The following DGKI variants were observed in gnomAD, a reference collection of about 807,000 sequenced individuals.
DGKI encodes DAG kinase iota.
In DGKI, 55 loss-of-function variants were observed where a neutral mutation model predicts 147.5. That is an observed-to-expected ratio of 0.37 (90% CI 0.30 to 0.47). DGKI has a LOEUF of 0.47. Ranked by LOEUF, DGKI falls within the 20% of genes least tolerant of loss-of-function variation. The pLI is 1.00. For synonymous variants in DGKI, 469 were observed against 477.1 expected, an observed-to-expected ratio of 0.98 and a Z score of 0.22; for missense variants, 1,007 against 1,323.8, an observed-to-expected ratio of 0.76 and a Z score of 3.71.
intron 1 of DGKI, among the ~76,000 whole-genome samples, chr7:137,721,030 A>T (rs574344240): frequency 6.6e-6 from 1 of 152,222 alleles, no homozygotes; most frequent in Non-Finnish European, 1.5e-5. Context: ...ACCTTTTTGC[A>T]TAACAACCTA....
intron 28 of DGKI, among the ~76,000 whole-genome samples, chr7:137,425,683 C>T (rs544063525): frequency 4.2e-4 from 64 of 152,228 alleles, no homozygotes; most frequent in African/African-American, 1.3e-3. Flanking sequence ...ACTAGAATAA[C>T]CAATACAGAG....
At chr7:137,758,049 G>A (rs984827672) in intron 1 of DGKI, among the ~76,000 whole-genome samples, 28 of 152,180 alleles carry the variant, frequency 1.8e-4, no homozygotes, top group African/African-American at 5.8e-4. Flanking sequence ...CCTGGTTTAA[G>A]TTTCCTTTGT....
intron 1 of DGKI, among the ~76,000 whole-genome samples, chr7:137,737,397 C>T (rs1795054405): frequency 6.6e-6 from 1 of 151,676 alleles, no homozygotes; most frequent in South Asian, 2.1e-4. Flanking sequence ...AATATAAAGG[C>T]AAATCTGTTC....
intron 28 of DGKI, among the ~76,000 whole-genome samples, chr7:137,434,118 CAAAA>C (rs60899883): frequency 7.7e-6 from 1 of 129,144 alleles, no homozygotes; most frequent in Admixed American, 7.6e-5. Flanking sequence ...AACTCCATCT[CAAAA>C]AAAAAAAAAA....
chr7:137,541,647 A>G (rs1817707675), intron 20 of DGKI, among the ~76,000 whole-genome samples: 1 of 152,180 alleles, frequency 6.6e-6, no homozygotes, highest in East Asian at 1.9e-4. Flanking sequence ...TGTAAAGGCA[A>G]TTCAATAGGA....
intron 1 of DGKI, among the ~76,000 whole-genome samples, chr7:137,836,070 TTTATTA>T (rs1471023250): frequency 6.6e-6 from 1 of 152,196 alleles, no homozygotes; most frequent in Non-Finnish European, 1.5e-5. Flanking sequence ...CACACACATT[TTTATTA>T]TTATTAAGTA....
intron 27 of DGKI, among the ~76,000 whole-genome samples, chr7:137,453,756 A>G (rs571821697): frequency 9.9e-5 from 15 of 152,218 alleles, no homozygotes; most frequent in African/African-American, 3.6e-4. Flanking sequence ...GTGTGGAGGG[A>G]AGGAAATCAT....
intron 19 of DGKI, among the ~76,000 whole-genome samples, chr7:137,568,920 G>GAA (rs144657060): frequency 1.1e-4 from 16 of 144,136 alleles, no homozygotes; most frequent in South Asian, 2.2e-4. Flanking sequence ...ACAATTGTTA[G>GAA]AAAAAAAAAA....
At chr7:137,818,018 G>A (rs1797789216) in intron 1 of DGKI, among the ~76,000 whole-genome samples, 3 of 152,098 alleles carry the variant, frequency 2.0e-5, no homozygotes, top group African/African-American at 7.2e-5. Flanking sequence ...CACTATCAAT[G>A]ACATTGTCTT....
intron 1 of DGKI, among the ~76,000 whole-genome samples, chr7:137,842,588 C>T (rs187068861): frequency 6.6e-5 from 10 of 152,242 alleles, no homozygotes; most frequent in South Asian, 6.2e-4. Flanking sequence ...CTGTGCTGCC[C>T]AAAGAGGTAC....
At chr7:137,419,040 T>G (rs1479803178) in intron 28 of DGKI, among the ~76,000 whole-genome samples, 1 of 152,200 alleles carries the variant, frequency 6.6e-6, no homozygotes, top group Non-Finnish European at 1.5e-5. Context: ...ACAGATTACT[T>G]AGCAATCCAG....
intron 21 of DGKI, among the ~76,000 whole-genome samples, chr7:137,503,911 C>T (rs983870222): frequency 4.6e-5 from 7 of 152,104 alleles, no homozygotes; most frequent in Non-Finnish European, 8.8e-5. Flanking sequence ...TCATAAATTC[C>T]CAAACCAATT....
At chr7:137,611,686 G>T (rs570542758) in intron 8 of DGKI, among the ~76,000 whole-genome samples, 66 of 152,182 alleles carry the variant, frequency 4.3e-4, no homozygotes, top group African/African-American at 1.5e-3. Context: ...CAGTTAGCTG[G>T]GTATTCATCC....
intron 1 of DGKI, among the ~76,000 whole-genome samples, chr7:137,835,905 T>C (rs1180328047): frequency 2.6e-5 from 4 of 152,232 alleles, no homozygotes; most frequent in African/African-American, 9.6e-5. Flanking sequence ...ATGTCCCTTA[T>C]GGCACATGGC....
intron 1 of DGKI, among the ~76,000 whole-genome samples, chr7:137,701,683 A>C (rs1286983333): frequency 2.6e-5 from 4 of 152,316 alleles, no homozygotes; most frequent in Middle Eastern, 3.4e-3. Flanking sequence ...CATCACTGAT[A>C]AAAATTAAAG....
chr7:137,517,336 A>AG (rs1816808063), intron 21 of DGKI, among the ~76,000 whole-genome samples: 3 of 140,402 alleles, frequency 2.1e-5, no homozygotes, highest in Admixed American at 7.5e-5. Context: ...AGAAAGAAAG[A>AG]AAGAGAAAGA....
chr7:137,532,735 C>G (rs1271518759), intron 20 of DGKI, among the ~76,000 whole-genome samples: 3 of 152,098 alleles, frequency 2.0e-5, no homozygotes, highest in African/African-American at 7.2e-5. Context: ...CCAATTCAGC[C>G]CATTTAGCCA....
At chr7:137,750,947 T>G (rs2116756158) in intron 1 of DGKI, among the ~76,000 whole-genome samples, 1 of 152,324 alleles carries the variant, frequency 6.6e-6, no homozygotes, top group South Asian at 2.1e-4. Context: ...GAGACAATTT[T>G]ATACAACTAG....
intron 23 of DGKI, among the ~76,000 whole-genome samples, chr7:137,481,578 C>A (rs1815373524): frequency 6.6e-6 from 1 of 152,070 alleles, no homozygotes. Flanking sequence ...CTATAAATAT[C>A]TAACACATTC....
Sources: allele counts gnomAD v4.1 joint callset (sites outside exome capture counted in the v4.1 genomes callset), GRCh38; gene constraint gnomAD v4.1.1; transcripts MANE v1.5; gene names NCBI Gene and HGNC (gene_info 2026-07-23, HGNC 2026-07-21).